Variants in ADGRB2 observed in about 807,000 individuals in gnomAD.
The protein encoded by ADGRB2 is adhesion G protein-coupled receptor B2, also known as brain-specific angiogenesis inhibitor 2.
Under a neutral mutation model 178.7 loss-of-function variants are expected in ADGRB2, and 47 were observed. The observed-to-expected ratio is 0.26, with a 90% CI of 0.21 to 0.34. ADGRB2 has a LOEUF of 0.34. Ranked by LOEUF, ADGRB2 falls within the 10% of genes least tolerant of loss-of-function variation. The pLI, the probability that ADGRB2 is intolerant of heterozygous loss-of-function variation, is 1.00. For missense variants in ADGRB2, 1,584 were observed against 2,180.8 expected (o/e 0.73, Z 5.45); for synonymous variants, 870 against 912.4 (o/e 0.95, Z 0.84).
intron 6 of ADGRB2, chr1:31,743,510 C>CCCAGGCCT (rs1646103262): frequency 6.5e-6 from 1 of 153,148 alleles, no homozygotes; most frequent in Non-Finnish European, 1.5e-5. Flanking sequence ...ACAGCTTTGC[C>CCCAGGCCT]CCAGGCCTTT....
intron 4 of ADGRB2, among the ~76,000 whole-genome samples, chr1:31,750,880 C>T (rs937820578): frequency 6.7e-6 from 1 of 149,214 alleles, no homozygotes; most frequent in Non-Finnish European, 1.5e-5. Flanking sequence ...TGCCAGACCG[C>T]CCCCCCCAAT....
rs76571836 is a variant in ADGRB2 at position 31,762,026 on chromosome 1, T to C, written c.-191+1858A>G. On this transcript the variant is annotated intron_variant, in intron 1 of 32. Coordinates refer to ENST00000373658, the MANE Select transcript of ADGRB2 (RefSeq NM_001364857.2). Reference sequence around the variant, plus strand: ...GAACGTAGGTCGTCTGACCGAAAGCTGAATTCCTAACTACTTACTCAGCTT... The same window carrying C: ...GAACGTAGGTCGTCTGACCGAAAGCCGAATTCCTAACTACTTACTCAGCTT... Among the ~76,000 whole-genome samples, 1,202 of 147,430 alleles carry C rather than the reference T, an allele frequency of 8.2e-3. 14 individuals carry two copies. The highest frequency in any genetic ancestry group is 0.029 in the African/African-American group (1,154 of 39,426).
At chr1:31,745,583 T>C (rs1194365907) in intron 4 of ADGRB2, among the ~76,000 whole-genome samples, 1 of 152,120 alleles carries the variant, frequency 6.6e-6, no homozygotes, top group African/African-American at 2.4e-5. Context: ...CAATGGGGTG[T>C]CAGGGAGGGG....
In ADGRB2 at chr1:31,742,042, C is replaced by A; in HGVS notation, c.1417+11G>T. The A allele has an allele frequency of 6.2e-7, 1 of 1,600,548 alleles. No homozygotes were observed. Among genetic ancestry groups the A allele is most frequent in the Non-Finnish European group, 8.5e-7 (1 of 1,172,220 alleles). On this transcript the variant is annotated intron_variant, in intron 8 of 32. Coordinates refer to ENST00000373658, the MANE Select transcript of ADGRB2 (RefSeq NM_001364857.2). ...GAGCTGCAACTTGCCACCACTGTGC[C>A]AAGCACTCACCCGGGCACTCGAGGT...
chr1:31,751,976 T>C (rs1180849426), intron 4 of ADGRB2, among the ~76,000 whole-genome samples: 1 of 152,164 alleles, frequency 6.6e-6, no homozygotes, highest in Non-Finnish European at 1.5e-5. Context: ...CACAGCTCTG[T>C]GGAATAGCTC....
Position 31,739,981 on chromosome 1 carries a change from C to A in ADGRB2, c.2112G>T (p.Leu704=). Residue 704 remains leucine (L), a synonymous_variant, in exon 14 of 33, where the codon CTG becomes CTT. Transcript: ENST00000373658. ...LLRVVEDFIH[L]VGDALKAFQS... ...GGAAGGCCTTGAGAGCATCGCCCAC[C>A]AGGTGAATGAAGTCCTCCACGACAC... The A allele has an allele frequency of 6.2e-7, 1 of 1,614,146 alleles. No individual in the cohort carries two copies. The highest frequency in any genetic ancestry group is 8.5e-7 in the Non-Finnish European group (1 of 1,180,020).
In ADGRB2 at chr1:31,742,751, G is replaced by C. The variant is rs1557765709; in HGVS notation, c.1252+87C>G. The C allele has an allele frequency of 1.2e-5, 16 of 1,354,450 alleles. No homozygotes were observed. In the East Asian group the frequency reaches 3.6e-4, roughly 30 times the overall value. 83.9% of individuals were successfully genotyped at this position (1,354,450 alleles called of 1,614,324 possible). A position where few individuals can be genotyped will look rare whatever the true frequency, so the allele number is the denominator to read the frequency against. On this transcript the variant is annotated intron_variant, in intron 7 of 32. Coordinates refer to ENST00000373658, the MANE Select transcript of ADGRB2 (RefSeq NM_001364857.2). Reference sequence around the variant, plus strand: ...AAGTTTAAGGGGCCCCCAGGGGCAGGTCACTGGACCTGACTGCCTCCCCAG... The same window carrying C: ...AAGTTTAAGGGGCCCCCAGGGGCAGCTCACTGGACCTGACTGCCTCCCCAG...
At position 31,761,953 on chromosome 1, in the gene ADGRB2, A is replaced by G. The variant is rs769310500; in HGVS notation, c.-191+1931T>C. 1.3e-5 allele frequency among the ~76,000 whole-genome samples: 2 copies of G among 152,112 alleles called. No homozygotes were observed. The highest frequency in any genetic ancestry group is 6.5e-5 in the Admixed American group (1 of 15,286). On this transcript the variant is annotated intron_variant, in intron 1 of 32. Coordinates refer to ENST00000373658, the MANE Select transcript of ADGRB2 (RefSeq NM_001364857.2). This position sits in a 1 kb window ranked among gnomAD's most constrained non-coding sequence, Gnocchi z 4.2. ...CACTGACCCATTTTATAGAGGGTCA[A>G]CTGAGGCTCAGAAAGATTAAGTAGC...
At position 31,759,882 on chromosome 1, in the gene ADGRB2, G is replaced by A. The variant is rs904664599; in HGVS notation, c.-190-2371C>T. Among the ~76,000 whole-genome samples the A allele has an allele frequency of 2.0e-5, 3 of 152,144 alleles. No homozygotes were observed. Among genetic ancestry groups the A allele is most frequent in the Admixed American group, 6.5e-5 (1 of 15,280 alleles). On this transcript the variant is annotated intron_variant, in intron 1 of 32. Transcript: ENST00000373658. The surrounding 1 kb of genome is among the most constrained non-coding windows in gnomAD (Gnocchi z 4.3). ...GGCAGCCCAAGTGGCTCTTAGTCATGATTAACCCCCCTGAGCCTGTTTCCC... is the reference window on the plus strand; with the variant it reads ...GGCAGCCCAAGTGGCTCTTAGTCATAATTAACCCCCCTGAGCCTGTTTCCC...
intron 25 of ADGRB2, among the ~76,000 whole-genome samples, chr1:31,734,699 T>C (rs1311319049): frequency 2.0e-5 from 3 of 152,202 alleles, no homozygotes; most frequent in African/African-American, 7.2e-5. Flanking sequence ...TGATTCTCTG[T>C]CTCCAATTGA....
Position 31,735,779 on chromosome 1 carries a change from T to C in ADGRB2, c.3267+48A>G. 1.3e-6 allele frequency: 2 copies of C among 1,594,952 alleles called. No homozygotes were observed. The highest frequency in any genetic ancestry group is 1.7e-6 in the Non-Finnish European group (2 of 1,168,398). On this transcript the variant is annotated intron_variant, in intron 23 of 32. Coordinates refer to ENST00000373658, the MANE Select transcript of ADGRB2 (RefSeq NM_001364857.2). This position sits in a 1 kb window ranked among gnomAD's most constrained non-coding sequence, Gnocchi z 6.0. ...GGAGGAGGTAGAGGGAGAAACAGGA[T>C]GACCCTCTGGGGCCATGCCCCTTCC...
Position 31,761,749 on chromosome 1 carries a change from A to C in ADGRB2, c.-191+2135T>G, listed in dbSNP as rs960998458. 1.3e-5 allele frequency among the ~76,000 whole-genome samples: 2 copies of C among 152,180 alleles called. No individual in the cohort carries two copies. Among genetic ancestry groups the C allele is most frequent in the Non-Finnish European group, 2.9e-5 (2 of 68,038 alleles). ...TTATACTGGGGGTTGGAGTGAAGGC[A>C]CTGGAACCTGTTTTTCATTTTTCTC... On this transcript the variant is annotated intron_variant, in intron 1 of 32. Transcript: ENST00000373658. The surrounding 1 kb of genome is among the most constrained non-coding windows in gnomAD (Gnocchi z 4.2).
Position 31,763,937 on chromosome 1 carries a change from G to C in ADGRB2, c.-244C>G. 1 of 985,574 alleles carries C rather than the reference G, an allele frequency of 1.0e-6. No homozygotes were observed. The highest frequency in any genetic ancestry group is 1.2e-6 in the Non-Finnish European group (1 of 830,078). 61.1% of individuals were successfully genotyped at this position (985,574 alleles called of 1,614,324 possible). On this transcript the variant is annotated 5_prime_UTR_variant, in exon 1 of 33. Coordinates refer to ENST00000373658, the MANE Select transcript of ADGRB2 (RefSeq NM_001364857.2). Reference sequence around the variant, plus strand: ...GCCGGCGCTGGCGGGGGCGGCCACGGGGCGCAAGTTTGCCATCCCTAAGTC... The same window carrying C: ...GCCGGCGCTGGCGGGGGCGGCCACGCGGCGCAAGTTTGCCATCCCTAAGTC...
Position 31,756,016 on chromosome 1 carries a change from G to T in ADGRB2, c.821C>A (p.Thr274Lys), listed in dbSNP as rs1276494222. ...LHSGSSNDLF[T>K]TEMRYGEEPE... ...AGACTCACCATATCTCATCTCGGTT[G>T]TGAACAGATCATTGCTGCTCCCCGA... Residue 274 changes from threonine (T) to lysine (K), a missense_variant, in exon 4 of 33, where the codon ACA becomes AAA. Around this residue, in one of 3 missense-constraint regions of ADGRB2, gnomAD observed 657 missense variants for 847.6 expected, o/e 0.78. Coordinates refer to ENST00000373658, the MANE Select transcript of ADGRB2 (RefSeq NM_001364857.2). This position sits in a 1 kb window ranked among gnomAD's most constrained non-coding sequence, Gnocchi z 8.5. 1.2e-6 allele frequency: 2 copies of T among 1,613,014 alleles called. No homozygotes were observed. Among genetic ancestry groups the T allele is most frequent in the African/African-American group, 2.7e-5 (2 of 74,916 alleles).
Position 31,756,468 on chromosome 1 carries a change from T to C in ADGRB2, c.369A>G (p.Ser123=), listed in dbSNP as rs1646839513. 6.2e-7 allele frequency: 1 copy of C among 1,611,070 alleles called. No homozygotes were observed. The highest frequency in any genetic ancestry group is 1.3e-5 in the African/African-American group (1 of 75,026). The change falls in exon 4 of 33, where the codon TCA becomes TCG. Residue 123 remains serine, a synonymous_variant. Transcript: ENST00000373658. The surrounding 1 kb of genome is among the most constrained non-coding windows in gnomAD (Gnocchi z 8.5). ...CCTCCTCTTCTGGCCGCCCCACCTC[T>C]GACTCCGCCTGGGCCACCGCCTCCT... ...SPEEAVAQAE[S]EVGRPEEEEA... is the part of the protein sequence containing the mutation.
chr1:31,735,501 T>C lies in ADGRB2; in HGVS notation c.3353+79A>G, dbSNP rs979547934. On this transcript the variant is annotated intron_variant, in intron 24 of 32. Coordinates refer to ENST00000373658, the MANE Select transcript of ADGRB2 (RefSeq NM_001364857.2). This position sits in a 1 kb window ranked among gnomAD's most constrained non-coding sequence, Gnocchi z 6.0. ...GAGCCCCGGTCGCATCATCGAGCCC[T>C]GAGTCTCCAAGAGCACCCATGTCCC... The C allele has an allele frequency of 6.5e-7, 1 of 1,532,366 alleles. No homozygotes were observed. Among genetic ancestry groups the C allele is most frequent in the Non-Finnish European group, 9.0e-7 (1 of 1,115,360 alleles). The allele number at this position is 1,532,366 out of a possible 1,614,324, so 94.9% of individuals were successfully genotyped here.
In ADGRB2 at chr1:31,740,890, C is replaced by T. The variant is rs539948638; in HGVS notation, c.1795-349G>A. Among the ~76,000 whole-genome samples, 14 of 81,034 alleles carry T rather than the reference C, an allele frequency of 1.7e-4. No homozygotes were observed. In the East Asian group the frequency reaches 2.4e-3, roughly 14 times the overall value. The allele number at this position is 81,034 out of a possible 152,430, so 53.2% of individuals were successfully genotyped here. On this transcript the variant is annotated intron_variant, in intron 11 of 32. Transcript: ENST00000373658. The surrounding 1 kb of genome is among the most constrained non-coding windows in gnomAD (Gnocchi z 5.9). ...AGTGTAATGAGCATGTGTGTGGGCG[C>T]GCGCGCACACACACACACACACACA...
At position 31,741,291 on chromosome 1, in the gene ADGRB2, G is replaced by A. The variant is rs374201658; in HGVS notation, c.1794+82C>T. ...AGCATATGCCAAGGCACGTGGGAAC[G>A]AGCGAGAATCACGCTCCCTCCACCC... On this transcript the variant is annotated intron_variant, in intron 11 of 32. Coordinates refer to ENST00000373658, the MANE Select transcript of ADGRB2 (RefSeq NM_001364857.2). The surrounding 1 kb of genome is among the most constrained non-coding windows in gnomAD (Gnocchi z 6.5). The A allele has an allele frequency of 1.4e-5, 19 of 1,404,112 alleles. No homozygotes were observed. Among genetic ancestry groups the A allele is most frequent in the South Asian group, 2.6e-5 (2 of 77,692 alleles). 87.0% of individuals were successfully genotyped at this position (1,404,112 alleles called of 1,614,324 possible). A position where few individuals can be genotyped will look rare whatever the true frequency, so the allele number is the denominator to read the frequency against.
At chr1:31,763,577 G>A (rs937511352) in intron 1 of ADGRB2, among the ~76,000 whole-genome samples, 1 of 149,776 alleles carries the variant, frequency 6.7e-6, no homozygotes, top group Non-Finnish European at 1.5e-5. Flanking sequence ...CAGCAAGCAC[G>A]GTCTGTGTCA....
Sources: allele counts gnomAD v4.1 joint callset (sites outside exome capture counted in the v4.1 genomes callset), GRCh38; gene constraint gnomAD v4.1.1; regional missense constraint gnomAD v4.1.1; non-coding constraint Gnocchi (gnomAD v3.1); transcripts MANE v1.5; gene names NCBI Gene and HGNC (gene_info 2026-07-23, HGNC 2026-07-21).